Variants in TRAPPC13 observed in about 807,000 individuals in gnomAD.
TRAPPC13 encodes the protein REV7-interacting novel NHEJ regulator 1.
TRAPPC13 carries 39 observed loss-of-function variants against 54.0 expected under a neutral mutation model. The observed-to-expected ratio is 0.72, with a 90% CI of 0.56 to 0.94. TRAPPC13 has a LOEUF of 0.94. Ranked by LOEUF, TRAPPC13 falls within the 40% of genes least tolerant of loss-of-function variation. The pLI is 0.00. For missense variants in TRAPPC13, 386 were observed against 488.1 expected (o/e 0.79, Z 1.97); for synonymous variants, 148 against 167.7 (o/e 0.88, Z 0.91).
At position 65,635,312 on chromosome 5, in the gene TRAPPC13, A is replaced by T. The variant is rs1218308587; in HGVS notation, c.58A>T (p.Thr20Ser). The T allele has an allele frequency of 1.2e-6, 2 of 1,613,528 alleles. No homozygotes were observed. The highest frequency in any genetic ancestry group is 1.7e-5 in the Admixed American group (1 of 59,990). ...HLLALKVMRLTKPTLFTNIPV... is the reference protein window; with the variant it reads ...HLLALKVMRLSKPTLFTNIPV... ...TTTTTACTTCACAGTGATGCGGCTG[A>T]CTAAGCCTACTTTATTCACCAATAT... Residue 20 changes from threonine (T) to serine (S), a missense_variant, in exon 2 of 13, where the codon ACT becomes TCT. By Grantham distance (58) the Thr-to-Ser change is moderately conservative. Transcript: ENST00000399438.
chr5:65,646,339 G>A (rs558266046), intron 4 of TRAPPC13, among the ~76,000 whole-genome samples: 1 of 152,246 alleles, frequency 6.6e-6, no homozygotes, highest in Admixed American at 6.5e-5. Context: ...TCTTATAAAC[G>A]AATTGATCTC....
At chr5:65,659,230 A>G (rs577879937) in intron 9 of TRAPPC13, among the ~76,000 whole-genome samples, 1 of 152,324 alleles carries the variant, frequency 6.6e-6, no homozygotes, top group South Asian at 2.1e-4. Context: ...CGATCTCCCA[A>G]GTATCTGGGA....
chr5:65,657,148 G>A (rs1007235546), intron 8 of TRAPPC13, among the ~76,000 whole-genome samples: 3 of 152,008 alleles, frequency 2.0e-5, no homozygotes, highest in South Asian at 2.1e-4. Context: ...TTGGGAGGCC[G>A]AGGTGGGTGG....
intron 4 of TRAPPC13, among the ~76,000 whole-genome samples, chr5:65,638,357 T>C (rs1187481637): frequency 6.6e-6 from 1 of 152,182 alleles, no homozygotes; most frequent in African/African-American, 2.4e-5. Flanking sequence ...TATTTGTTAA[T>C]GTATGTCATT....
chr5:65,651,842 G>GTTTTTTTTGTTTTTT lies in TRAPPC13; in HGVS notation c.502-651_502-650insGTTTTTTTTTTTTTT, dbSNP rs1756457486. Among the ~76,000 whole-genome samples the GTTTTTTTTGTTTTTT allele has an allele frequency of 9.7e-5, 4 of 41,160 alleles. 1 individual carries two copies. Among genetic ancestry groups the GTTTTTTTTGTTTTTT allele is most frequent in the African/African-American group, 3.7e-4 (4 of 10,804 alleles). The allele number at this position is 41,160 out of a possible 152,430, so 27.0% of individuals were successfully genotyped here. A position where few individuals can be genotyped will look rare whatever the true frequency, so the allele number is the denominator to read the frequency against. On this transcript the variant is annotated intron_variant, in intron 6 of 12. Coordinates refer to ENST00000399438, the MANE Select transcript of TRAPPC13 (RefSeq NM_024941.4). Reference sequence around the variant, plus strand: ...TTGAAAGAAAATAAAACGTGATTCAGTTTTTTTTTTTTTTTTTTTTTTTTT... The same window carrying GTTTTTTTTGTTTTTT: ...TTGAAAGAAAATAAAACGTGATTCAGTTTTTTTTGTTTTTTTTTTTTTTTTTTTTTTTTTTTTTTT...
At chr5:65,652,816 C>T (rs1199537053) in intron 7 of TRAPPC13, 1 of 446,300 alleles carries the variant, frequency 2.2e-6, no homozygotes, top group Non-Finnish European at 4.1e-6. Context: ...CCCTCTCATT[C>T]CATTTAATGG....
At chr5:65,656,267 A>G (rs1756648957) in intron 8 of TRAPPC13, among the ~76,000 whole-genome samples, 1 of 152,228 alleles carries the variant, frequency 6.6e-6, no homozygotes, top group Non-Finnish European at 1.5e-5. Flanking sequence ...CTAACTGTTC[A>G]AACTAACTTG....
chr5:65,630,324 T>C, intron 1 of TRAPPC13: 1 of 1,515,934 alleles, frequency 6.6e-7, no homozygotes, highest in Non-Finnish European at 8.8e-7. Context: ...AAATATGGTG[T>C]TATTTTTAGT....
chr5:65,652,825 G>A (rs1369350174), intron 7 of TRAPPC13: 3 of 425,418 alleles, frequency 7.1e-6, no homozygotes, highest in Non-Finnish European at 1.3e-5. Context: ...TCCATTTAAT[G>A]GTGGTTGTTA....
intron 8 of TRAPPC13, 192 bp from the exon 9 acceptor site, chr5:65,658,176 G>T: frequency 2.1e-6 from 1 of 468,966 alleles, no homozygotes; most frequent in Non-Finnish European, 3.7e-6. Context: ...ACTAACACTT[G>T]ACTTTGCCCC....
chr5:65,655,683 T>C lies in TRAPPC13; in HGVS notation c.564+30T>C, dbSNP rs960721474. 2.2e-5 allele frequency: 18 copies of C among 814,882 alleles called. No homozygotes were observed. In the African/African-American group the frequency reaches 3.2e-4, roughly 15 times the overall value. 50.5% of individuals were successfully genotyped at this position (814,882 alleles called of 1,614,324 possible). A position where few individuals can be genotyped will look rare whatever the true frequency, so the allele number is the denominator to read the frequency against. Reference sequence around the variant, plus strand: ...TTTGATTTTTTATTATAAATTTTTATACTTTTCTTACTCACCACTTTTTGA... The same window carrying C: ...TTTGATTTTTTATTATAAATTTTTACACTTTTCTTACTCACCACTTTTTGA... On this transcript the variant is annotated intron_variant, in intron 8 of 12. Transcript: ENST00000399438.
At chr5:65,629,364 C>A in intron 1 of TRAPPC13, 4 of 799,324 alleles carry the variant, frequency 5.0e-6, no homozygotes, top group African/African-American at 1.8e-5. Flanking sequence ...GGTAAAATAC[C>A]ACATTGGGAT....
intron 1 of TRAPPC13, among the ~76,000 whole-genome samples, chr5:65,629,239 T>C (rs1755410296): frequency 6.6e-6 from 1 of 152,190 alleles, no homozygotes; most frequent in African/African-American, 2.4e-5. Context: ...TGTTGACTAC[T>C]AGCGTTTTTA....
chr5:65,658,578 G>T, intron 9 of TRAPPC13, 77 bp downstream of exon 9: 2 of 1,282,000 alleles, frequency 1.6e-6, no homozygotes, highest in Non-Finnish European at 1.0e-6. Context: ...GCTCTTCAGT[G>T]GGTTTTTTTT....
chr5:65,666,182 T>A lies in TRAPPC13; in HGVS notation c.*1571T>A, dbSNP rs1233813131. The A allele has an allele frequency of 3.3e-5, 5 of 152,488 alleles. No homozygotes were observed. The highest frequency in any genetic ancestry group is 1.2e-4 in the African/African-American group (5 of 41,470). 9.4% of individuals were successfully genotyped at this position (152,488 alleles called of 1,614,324 possible). ...TCAAGCATCTTCTTATGACTAAATC[T>A]TCTGTTTCATTCTGTTTTAAATCTA... On this transcript the variant is annotated 3_prime_UTR_variant, in exon 13 of 13. Coordinates refer to ENST00000399438, the MANE Select transcript of TRAPPC13 (RefSeq NM_024941.4).
At chr5:65,647,025 CTT>C (rs369270319) in intron 4 of TRAPPC13, 28 bp from the exon 5 acceptor site, 4,136 of 1,383,826 alleles carry the variant, frequency 3.0e-3, no homozygotes, top group Admixed American at 5.8e-3. Flanking sequence ...CTCATTTGGA[CTT>C]TTTTTTTTTT....
intron 6 of TRAPPC13, among the ~76,000 whole-genome samples, chr5:65,652,015 C>T (rs911505763): frequency 1.4e-4 from 22 of 151,900 alleles, no homozygotes; most frequent in African/African-American, 5.1e-4. Context: ...AGGCACCCGC[C>T]ACCACGCCCA....
intron 1 of TRAPPC13, among the ~76,000 whole-genome samples, chr5:65,627,787 T>C (rs1352252271): frequency 6.6e-6 from 1 of 152,196 alleles, no homozygotes; most frequent in Non-Finnish European, 1.5e-5. Context: ...AACATTTAGA[T>C]CCATATTTAA....
chr5:65,645,711 G>T (rs527244909), intron 4 of TRAPPC13, among the ~76,000 whole-genome samples: 1 of 152,278 alleles, frequency 6.6e-6, no homozygotes, highest in African/African-American at 2.4e-5. Context: ...GGCTGAGGCA[G>T]GAGAATGGCG....
Sources: allele counts gnomAD v4.1 joint callset (sites outside exome capture counted in the v4.1 genomes callset), GRCh38; gene constraint gnomAD v4.1.1; transcripts MANE v1.5; gene names NCBI Gene and HGNC (gene_info 2026-07-23, HGNC 2026-07-21).